Variants in CCNB1IP1 observed in about 807,000 individuals in gnomAD.
CCNB1IP1 encodes E3 ubiquitin-protein ligase CCNB1IP1.
In CCNB1IP1, 14 loss-of-function variants were observed where a neutral mutation model predicts 25.6. The observed-to-expected ratio is 0.55, with a 90% CI of 0.36 to 0.85. The LOEUF is 0.85. CCNB1IP1 is among the 40% of genes least tolerant of loss of function. The pLI is 0.01. For synonymous variants in CCNB1IP1, 119 were observed against 116.1 expected (o/e 1.02, Z -0.16); for missense variants, 278 against 342.4 (o/e 0.81, Z 1.48).
At position 20,313,747 on chromosome 14, in the gene CCNB1IP1, G is replaced by A; in HGVS notation, c.352C>T (p.Leu118=). The A allele has an allele frequency of 6.2e-7, 1 of 1,611,796 alleles. No individual in the cohort carries two copies. Among genetic ancestry groups the A allele is most frequent in the East Asian group, 2.2e-5 (1 of 44,852 alleles). Residue 118 remains leucine, a synonymous_variant, in exon 6 of 7, where the codon CTG becomes TTG. Coordinates refer to ENST00000358932, the MANE Select transcript of CCNB1IP1 (RefSeq NM_021178.5). ...EYNFSKAEGH[L]KQMEKIYTQQ... ...GTATATATCTTCTCCATCTGTTTCA[G>A]ATGGCCCTCAGCCTTGCTGAAATTG... is the stretch of plus-strand genomic sequence containing the variant.
At chr14:20,328,571 A>G (rs1883145676) in intron 2 of CCNB1IP1, among the ~76,000 whole-genome samples, 1 of 152,026 alleles carries the variant, frequency 6.6e-6, no homozygotes, top group South Asian at 2.1e-4. Context: ...CTCCAAACCT[A>G]AAATAAATTT....
chr14:20,315,165 G>T (rs1450841807), intron 5 of CCNB1IP1, among the ~76,000 whole-genome samples: 1 of 29,364 alleles, frequency 3.4e-5, no homozygotes, highest in Non-Finnish European at 7.9e-5. Context: ...AAAAAAAAAA[G>T]GCAAAAAAGC....
intron 4 of CCNB1IP1, chr14:20,320,151 A>T (rs973570637): frequency 3.3e-6 from 1 of 305,708 alleles, no homozygotes; most frequent in African/African-American, 2.2e-5. Context: ...TAGTGTACAC[A>T]AATTTATCAA....
chr14:20,318,580 T>G (rs936804302), intron 4 of CCNB1IP1: 2 of 152,250 alleles, frequency 1.3e-5, no homozygotes, highest in Admixed American at 1.3e-4. Context: ...TTTAAATGAT[T>G]GCACTGTGCC....
chr14:20,322,605 T>TTATA (rs367735197), intron 4 of CCNB1IP1, among the ~76,000 whole-genome samples: 125 of 147,772 alleles, frequency 8.5e-4, no homozygotes, highest in African/African-American at 2.6e-3. Flanking sequence ...AAGAAAAGTT[T>TTATA]TATATATATA....
chr14:20,320,033 C>T (rs56960933), intron 4 of CCNB1IP1, among the ~76,000 whole-genome samples: 12,886 of 152,174 alleles, frequency 0.085, 918 homozygotes, highest in African/African-American at 0.19. Context: ...TGAATGACTA[C>T]TCAGGGATCC....
intron 4 of CCNB1IP1, among the ~76,000 whole-genome samples, chr14:20,318,686 T>C (rs963456712): frequency 6.6e-6 from 1 of 152,178 alleles, no homozygotes; most frequent in Non-Finnish European, 1.5e-5. Context: ...TTAATCTATA[T>C]GGATCTGTTA....
intron 4 of CCNB1IP1, 146 bp downstream of exon 4, chr14:20,325,393 C>T (rs1233014967): frequency 2.1e-5 from 3 of 143,932 alleles, no homozygotes; most frequent in Non-Finnish European, 4.5e-5. Context: ...TGCACTCCAG[C>T]CTGGGCGACA....
intron 4 of CCNB1IP1, among the ~76,000 whole-genome samples, chr14:20,322,622 A>AT (rs35143753): frequency 3.9e-4 from 55 of 142,702 alleles, no homozygotes; most frequent in East Asian, 8.1e-4. Flanking sequence ...TATATATATA[A>AT]TTTTTTTTTT....
intron 4 of CCNB1IP1, among the ~76,000 whole-genome samples, chr14:20,320,656 T>G (rs145153100): frequency 6.6e-6 from 1 of 151,118 alleles, no homozygotes; most frequent in African/African-American, 2.4e-5. Flanking sequence ...AACACAAAAA[T>G]TAGCTGGATG....
At chr14:20,321,722 G>A (rs536431069) in intron 4 of CCNB1IP1, among the ~76,000 whole-genome samples, 1 of 152,262 alleles carries the variant, frequency 6.6e-6, no homozygotes, top group South Asian at 2.1e-4. Context: ...GAAGTGCTGG[G>A]ATCATCGGCG....
intron 4 of CCNB1IP1, chr14:20,319,164 C>G (rs1882813353): frequency 6.6e-6 from 1 of 152,226 alleles, no homozygotes; most frequent in African/African-American, 2.4e-5. Context: ...CCTGCAAACC[C>G]CTGAGTAGTG....
At chr14:20,315,743 AAT>A in intron 5 of CCNB1IP1, 1 of 1,219,350 alleles carries the variant, frequency 8.2e-7, no homozygotes, top group Non-Finnish European at 1.1e-6. Context: ...ATGATTATAG[AAT>A]AGTTAACTAA....
At chr14:20,317,082 C>T (rs1200834906) in intron 4 of CCNB1IP1, among the ~76,000 whole-genome samples, 1 of 151,876 alleles carries the variant, frequency 6.6e-6, no homozygotes, top group African/African-American at 2.4e-5. Flanking sequence ...GCACTCCAGC[C>T]TGGGGGACAG....
At chr14:20,311,828 A>G in intron 6 of CCNB1IP1, 76 bp from the exon 7 acceptor site, 1 of 805,872 alleles carries the variant, frequency 1.2e-6, no homozygotes, top group Non-Finnish European at 2.0e-6. Context: ...GAATCATCAA[A>G]TATATATATA....
intron 4 of CCNB1IP1, chr14:20,319,121 C>T (rs1337222839): frequency 1.3e-5 from 2 of 152,244 alleles, no homozygotes; most frequent in African/African-American, 4.8e-5. Context: ...GAATTAGTAA[C>T]AGATGCAATT....
intron 1 of CCNB1IP1, among the ~76,000 whole-genome samples, chr14:20,329,893 A>G (rs1427224739): frequency 6.6e-6 from 1 of 151,678 alleles, no homozygotes; most frequent in Non-Finnish European, 1.5e-5. Flanking sequence ...CAACTTCTCT[A>G]AACTTCAGCT....
chr14:20,326,165 A>G (rs2138869542), intron 3 of CCNB1IP1, among the ~76,000 whole-genome samples: 1 of 152,276 alleles, frequency 6.6e-6, no homozygotes, highest in Non-Finnish European at 1.5e-5. Flanking sequence ...TAAAATAATG[A>G]TTAGTTTAAA....
chr14:20,328,039 C>T (rs1365233082), intron 2 of CCNB1IP1, among the ~76,000 whole-genome samples: 3 of 152,154 alleles, frequency 2.0e-5, no homozygotes, highest in African/African-American at 7.2e-5. Flanking sequence ...ACATCAGTGC[C>T]TTTAAGAATG....
Sources: gnomAD v4.1 joint callset for allele counts (sites outside exome capture counted in the v4.1 genomes callset) on GRCh38, gnomAD v4.1.1 for gene constraint, MANE v1.5 for transcripts, NCBI Gene and HGNC (gene_info 2026-07-23, HGNC 2026-07-21) for gene names.